Variants in KCNQ3 observed in about 807,000 individuals in gnomAD.
The protein encoded by KCNQ3 is potassium voltage-gated channel subfamily KQT member 3.
KCNQ3 carries 30 observed loss-of-function variants against 92.5 expected under a neutral mutation model. The ratio of observed to expected loss-of-function variants is 0.32; its 90% confidence interval spans 0.24 to 0.44. The LOEUF (loss-of-function observed/expected upper bound fraction) is 0.44, where lower values mean the gene tolerates loss of function less well. KCNQ3 is among the 20% of genes least tolerant of loss of function. The pLI is 1.00. For synonymous variants in KCNQ3, 450 were observed against 468.8 expected, an observed-to-expected ratio of 0.96 and a Z score of 0.52; for missense variants, 913 against 1,140.3, an observed-to-expected ratio of 0.80 and a Z score of 2.87.
intron 1 of KCNQ3, among the ~76,000 whole-genome samples, chr8:132,246,330 G>T (rs796255107): frequency 6.6e-6 from 1 of 152,206 alleles, no homozygotes; most frequent in Non-Finnish European, 1.5e-5. Context: ...AGGAACATGA[G>T]GGGGAACAAT....
intron 1 of KCNQ3, among the ~76,000 whole-genome samples, chr8:132,337,763 T>C (rs777614498): frequency 6.6e-5 from 10 of 152,156 alleles, no homozygotes; most frequent in Non-Finnish European, 1.3e-4. Flanking sequence ...TAAAAATCAA[T>C]GTGCCTAGGC....
At chr8:132,474,985 C>G (rs1822377130) in intron 1 of KCNQ3, among the ~76,000 whole-genome samples, 1 of 152,084 alleles carries the variant, frequency 6.6e-6, no homozygotes, top group Non-Finnish European at 1.5e-5. Flanking sequence ...GTGGATTTCC[C>G]CCTTGCTCTT....
At chr8:132,288,680 T>G (rs1392908930) in intron 1 of KCNQ3, among the ~76,000 whole-genome samples, 4 of 152,162 alleles carry the variant, frequency 2.6e-5, no homozygotes, top group Admixed American at 6.5e-5. Flanking sequence ...GGCAGTGCAT[T>G]GTATGGGTGT....
intron 1 of KCNQ3, among the ~76,000 whole-genome samples, chr8:132,454,409 G>A (rs957936257): frequency 6.6e-6 from 1 of 152,124 alleles, no homozygotes; most frequent in Non-Finnish European, 1.5e-5. Flanking sequence ...TTTCTACAAG[G>A]TGTGCTCTGT....
chr8:132,330,340 AC>A (rs1205822084), intron 1 of KCNQ3, among the ~76,000 whole-genome samples: 2 of 152,224 alleles, frequency 1.3e-5, no homozygotes, highest in Non-Finnish European at 2.9e-5. Flanking sequence ...GATTAATGGT[AC>A]TTCATTATGG....
chr8:132,133,354 C>G (rs866509724), intron 13 of KCNQ3, among the ~76,000 whole-genome samples: 1 of 103,478 alleles, frequency 9.7e-6, no homozygotes, highest in Non-Finnish European at 1.8e-5. Flanking sequence ...GCTCTCGATT[C>G]TTTTTTTTTT....
intron 2 of KCNQ3, among the ~76,000 whole-genome samples, 158 bp from the exon 3 acceptor site, chr8:132,184,525 C>G (rs1051945916): frequency 6.6e-6 from 1 of 152,046 alleles, no homozygotes; most frequent in Admixed American, 6.6e-5. Context: ...GAAGGGGAAC[C>G]GGGAGAACAG....
chr8:132,134,499 G>A lies in KCNQ3; in HGVS notation c.1701-111C>T, dbSNP rs189191259. The A allele has an allele frequency of 8.3e-5, 60 of 718,900 alleles. 1 individual carries two copies. The African/African-American group carries it at 1.1e-3, about 13-fold the overall frequency. 44.5% of individuals were successfully genotyped at this position (718,900 alleles called of 1,614,324 possible). A position where few individuals can be genotyped will look rare whatever the true frequency, so the allele number is the denominator to read the frequency against. On this transcript the variant is annotated intron_variant, in intron 12 of 14. Coordinates refer to ENST00000388996, the MANE Select transcript of KCNQ3 (RefSeq NM_004519.4). The stretch of plus-strand genomic sequence containing the variant: ...AGATAAGGGTTTGGAATATATAAGA[G>A]GAGAGGAGAGGAGAGGAGAAGTGAG...
At chr8:132,130,367 G>A (rs764632745) in intron 14 of KCNQ3, among the ~76,000 whole-genome samples, 9 of 152,170 alleles carry the variant, frequency 5.9e-5, no homozygotes, top group Admixed American at 2.6e-4. Flanking sequence ...ATGAACCACC[G>A]CGCCTGACCG....
intron 1 of KCNQ3, among the ~76,000 whole-genome samples, chr8:132,232,841 G>C (rs1404779399): frequency 6.6e-6 from 1 of 152,152 alleles, no homozygotes; most frequent in Non-Finnish European, 1.5e-5. Flanking sequence ...AAATGTGCTA[G>C]GAAGTCTTTT....
chr8:132,411,500 G>C (rs1241205247), intron 1 of KCNQ3, among the ~76,000 whole-genome samples: 2 of 152,150 alleles, frequency 1.3e-5, no homozygotes. Flanking sequence ...CTCTGGAGAG[G>C]CACTGCAGGG....
At chr8:132,437,486 TAA>T (rs1302778014) in intron 1 of KCNQ3, among the ~76,000 whole-genome samples, 1 of 152,178 alleles carries the variant, frequency 6.6e-6, no homozygotes, top group Non-Finnish European at 1.5e-5. Flanking sequence ...TTTGAAAAGC[TAA>T]GTGTCTATTT....
chr8:132,180,630 C>CG (rs1314281624), intron 3 of KCNQ3, among the ~76,000 whole-genome samples: 1 of 152,090 alleles, frequency 6.6e-6, no homozygotes, highest in African/African-American at 2.4e-5. Context: ...CAAGGCCCCC[C>CG]GCAGTGTGGT....
chr8:132,137,929 G>T lies in KCNQ3; in HGVS notation c.1656C>A (p.Ala552=), dbSNP rs199722269. ...TCCTGGAAAGCATGTCGAGATGCCC[G>T]GCAGAATACTGCTCAATCACATCCT... ...DVKDVIEQYS[A]GHLDMLSRIK... The change falls in exon 12 of 15, where the codon GCC becomes GCA. Residue 552 remains alanine (A), a synonymous_variant. Coordinates refer to ENST00000388996, the MANE Select transcript of KCNQ3 (RefSeq NM_004519.4). 51 of 1,613,836 alleles carry T rather than the reference G, an allele frequency of 3.2e-5. No homozygotes were observed. Among genetic ancestry groups the T allele is most frequent in the Non-Finnish European group, 4.2e-5 (50 of 1,179,986 alleles).
chr8:132,351,817 G>T (rs1329546327), intron 1 of KCNQ3, among the ~76,000 whole-genome samples: 1 of 152,212 alleles, frequency 6.6e-6, no homozygotes, highest in African/African-American at 2.4e-5. Context: ...ATAGGGATAA[G>T]ACAATCACTT....
At chr8:132,185,334 C>A (rs560085304) in intron 2 of KCNQ3, among the ~76,000 whole-genome samples, 2 of 152,234 alleles carry the variant, frequency 1.3e-5, no homozygotes, top group Non-Finnish European at 2.9e-5. Context: ...CGGCATTGCC[C>A]TGAAGAGGCA....
intron 1 of KCNQ3, among the ~76,000 whole-genome samples, chr8:132,349,970 A>C (rs375002934): frequency 6.6e-6 from 1 of 152,252 alleles, no homozygotes; most frequent in Non-Finnish European, 1.5e-5. Flanking sequence ...CTTACTCTGC[A>C]TCAAGCGAGA....
chr8:132,174,820 T>C (rs1230176854), intron 5 of KCNQ3, among the ~76,000 whole-genome samples: 5 of 152,218 alleles, frequency 3.3e-5, no homozygotes, highest in Admixed American at 6.5e-5. Flanking sequence ...TGTATCTGCA[T>C]GTGAAAGGCA....
intron 1 of KCNQ3, among the ~76,000 whole-genome samples, chr8:132,307,150 C>G (rs1161122596): frequency 6.6e-6 from 1 of 152,150 alleles, no homozygotes; most frequent in Non-Finnish European, 1.5e-5. Context: ...TTTGTGGTAC[C>G]TTGGGAGCAA....
Sources: allele counts gnomAD v4.1 joint callset (sites outside exome capture counted in the v4.1 genomes callset), GRCh38; gene constraint gnomAD v4.1.1; transcripts MANE v1.5; gene names NCBI Gene and HGNC (gene_info 2026-07-23, HGNC 2026-07-21).